CDH2: variants seen among roughly 807,000 people sequenced by gnomAD.
The protein encoded by CDH2 is cadherin 2.
A neutral mutation model predicts 92.0 loss-of-function variants in CDH2; 17 were observed. The ratio of observed to expected loss-of-function variants is 0.18; its 90% confidence interval spans 0.13 to 0.28. CDH2 has a LOEUF of 0.28. CDH2 is among the 10% of genes least tolerant of loss of function. The pLI, the probability that CDH2 is intolerant of heterozygous loss-of-function variation, is 1.00. For missense variants in CDH2, 862 were observed against 1,133.1 expected (o/e 0.76, Z 3.44); for synonymous variants, 419 against 415.9 (o/e 1.01, Z -0.09).
At chr18:28,021,292 C>G (rs1302212987) in intron 2 of CDH2, among the ~76,000 whole-genome samples, 2 of 151,808 alleles carry the variant, frequency 1.3e-5, no homozygotes, top group African/African-American at 4.8e-5. Flanking sequence ...CCTGAGAGAA[C>G]AACCTTCCTT....
chr18:28,127,461 A>G (rs2015695962), intron 2 of CDH2, among the ~76,000 whole-genome samples: 1 of 152,228 alleles, frequency 6.6e-6, no homozygotes, highest in African/African-American at 2.4e-5. Context: ...GCCCTGCGGC[A>G]AAGGGAAAAT....
intron 2 of CDH2, among the ~76,000 whole-genome samples, chr18:28,147,370 A>G (rs2016051600): frequency 6.6e-6 from 1 of 152,132 alleles, no homozygotes; most frequent in South Asian, 2.1e-4. Flanking sequence ...ATTCTTCAAA[A>G]TATTATTCTT....
intron 14 of CDH2, among the ~76,000 whole-genome samples, chr18:27,965,680 A>G (rs2011515399): frequency 6.6e-6 from 1 of 152,196 alleles, no homozygotes; most frequent in South Asian, 2.1e-4. Context: ...AACAGATGTG[A>G]AAGTCCTTGA....
At chr18:28,100,614 G>A (rs1332385390) in intron 2 of CDH2, among the ~76,000 whole-genome samples, 1 of 150,142 alleles carries the variant, frequency 6.7e-6, no homozygotes, top group Non-Finnish European at 1.5e-5. Context: ...GAGCATGTCA[G>A]AGGAGTCCTG....
At chr18:28,008,067 C>T (rs1045707440) in intron 5 of CDH2, among the ~76,000 whole-genome samples, 4 of 152,098 alleles carry the variant, frequency 2.6e-5, no homozygotes, top group Non-Finnish European at 5.9e-5. Flanking sequence ...GTAGCAAGCA[C>T]TTAGCAATAA....
At chr18:28,086,757 T>A (rs1342661160) in intron 2 of CDH2, among the ~76,000 whole-genome samples, 2 of 152,198 alleles carry the variant, frequency 1.3e-5, no homozygotes, top group Non-Finnish European at 2.9e-5. Context: ...CAGTATCCTC[T>A]GGTCTTGCAG....
intron 2 of CDH2, among the ~76,000 whole-genome samples, chr18:28,086,470 GA>G (rs1177926397): frequency 3.3e-5 from 5 of 151,898 alleles, no homozygotes; most frequent in Non-Finnish European, 5.9e-5. Context: ...CTCCCACTGA[GA>G]AAGACTGTGT....
At chr18:28,047,400 G>A (rs982804368) in intron 2 of CDH2, among the ~76,000 whole-genome samples, 5 of 152,204 alleles carry the variant, frequency 3.3e-5, no homozygotes, top group Admixed American at 2.0e-4. Flanking sequence ...GCCAACAGAC[G>A]GCCATACTTA....
In CDH2 at chr18:28,154,577, G is replaced by A. The variant is rs1048361105; in HGVS notation, c.61-6793C>T. Among the ~76,000 whole-genome samples, 5 of 152,176 alleles carry A rather than the reference G, an allele frequency of 3.3e-5. No homozygotes were observed. In the South Asian group the frequency reaches 1.0e-3, roughly 32 times the overall value. On this transcript the variant is annotated intron_variant, in intron 1 of 15. Transcript: ENST00000269141. ...CTCTGTTCTGGTTCTGCACTCGCAG[G>A]GACATTGTTTTTGTTCTTGTTCAAA...
intron 2 of CDH2, among the ~76,000 whole-genome samples, chr18:28,014,442 C>T (rs988443527): frequency 2.0e-5 from 3 of 152,056 alleles, no homozygotes; most frequent in South Asian, 2.1e-4. Flanking sequence ...TACATAATTT[C>T]GGAACAAATG....
intron 14 of CDH2, among the ~76,000 whole-genome samples, chr18:27,967,899 A>T (rs976362650): frequency 6.6e-6 from 1 of 152,232 alleles, no homozygotes; most frequent in Non-Finnish European, 1.5e-5. Flanking sequence ...ATAAAATAAA[A>T]TGTTGCATCA....
chr18:27,947,251 T>C (rs1157555137), downstream of CDH2, among the ~76,000 whole-genome samples: 1 of 151,674 alleles, frequency 6.6e-6, no homozygotes. Context: ...AGCAGTAAAG[T>C]ATCACTAGAA....
intron 10 of CDH2, among the ~76,000 whole-genome samples, chr18:27,989,731 CATGG>C (rs1188031385): frequency 6.6e-6 from 1 of 152,078 alleles, no homozygotes; most frequent in Non-Finnish European, 1.5e-5. Context: ...CTTCATGATG[CATGG>C]AGGAGAGATA....
chr18:28,151,081 G>A (rs2016113557), intron 1 of CDH2, among the ~76,000 whole-genome samples: 1 of 152,138 alleles, frequency 6.6e-6, no homozygotes, highest in African/African-American at 2.4e-5. Flanking sequence ...ACCCTACAAG[G>A]CTGTGACTGA....
chr18:28,088,729 C>T (rs1019352171), intron 2 of CDH2, among the ~76,000 whole-genome samples: 3 of 152,084 alleles, frequency 2.0e-5, no homozygotes, highest in African/African-American at 7.2e-5. Flanking sequence ...GGGCATGTTC[C>T]CTGACAGCCA....
intron 2 of CDH2, among the ~76,000 whole-genome samples, chr18:28,031,367 C>T (rs1355463913): frequency 6.6e-6 from 1 of 152,006 alleles, no homozygotes; most frequent in Non-Finnish European, 1.5e-5. Context: ...TAACATCTTA[C>T]CATCAGTCAT....
chr18:28,125,796 C>G (rs1054704178), intron 2 of CDH2, among the ~76,000 whole-genome samples: 7 of 152,152 alleles, frequency 4.6e-5, no homozygotes, highest in African/African-American at 1.7e-4. Flanking sequence ...AGGGGTTAAT[C>G]TCAGGTTTCA....
intron 14 of CDH2, among the ~76,000 whole-genome samples, chr18:27,965,044 C>T (rs149857519): frequency 2.0e-5 from 3 of 152,306 alleles, no homozygotes; most frequent in Non-Finnish European, 4.4e-5. Context: ...AGTGTTTTCT[C>T]ACTATCAATG....
At chr18:28,016,654 A>G (rs1387591049) in intron 2 of CDH2, among the ~76,000 whole-genome samples, 1 of 152,180 alleles carries the variant, frequency 6.6e-6, no homozygotes, top group East Asian at 1.9e-4. Context: ...ATCTATGCAC[A>G]TGGCTGTTTG....
Sources: gnomAD v4.1 joint callset for allele counts (sites outside exome capture counted in the v4.1 genomes callset) on GRCh38, gnomAD v4.1.1 for gene constraint, MANE v1.5 for transcripts, NCBI Gene and HGNC (gene_info 2026-07-23, HGNC 2026-07-21) for gene names.